The following GPATCH2L variants were observed in gnomAD, a reference collection of about 807,000 sequenced individuals.
GPATCH2L encodes G-patch domain containing 2 like, also known as G patch domain-containing protein 2-like.
In GPATCH2L, 31 loss-of-function variants were observed where a neutral mutation model predicts 57.4. The observed-to-expected ratio is 0.54, with a 90% CI of 0.41 to 0.73. The LOEUF (loss-of-function observed/expected upper bound fraction) is 0.73, where lower values mean the gene tolerates loss of function less well. Ranked by LOEUF, GPATCH2L falls within the 30% of genes least tolerant of loss-of-function variation. The pLI is 0.00. For synonymous variants in GPATCH2L, 199 were observed against 210.7 expected (o/e 0.94, Z 0.48); for missense variants, 481 against 599.9 (o/e 0.80, Z 2.07).
downstream of GPATCH2L, among the ~76,000 whole-genome samples, chr14:76,219,005 CAA>C (rs572896740): frequency 0.027 from 2,004 of 73,760 alleles, 26 homozygotes; most frequent in South Asian, 0.048. Flanking sequence ...TCTAAAAGTA[CAA>C]AAAAAAAAAA....
At chr14:76,232,091 T>C (rs148945505) in intron 2 of GPATCH2L, among the ~76,000 whole-genome samples, 5 of 13,196 alleles carry the variant, frequency 3.8e-4, no homozygotes, top group African/African-American at 6.5e-4. Flanking sequence ...TTTGTATTTT[T>C]TGTAGCAACA....
At chr14:76,198,924 A>G (rs560924186) in intron 9 of GPATCH2L, among the ~76,000 whole-genome samples, 2 of 152,340 alleles carry the variant, frequency 1.3e-5, no homozygotes, top group East Asian at 3.9e-4. Flanking sequence ...GATTCCTAAT[A>G]TATTGTAACC....
chr14:76,232,776 G>A (rs2040579191), intron 2 of GPATCH2L, among the ~76,000 whole-genome samples: 1 of 152,160 alleles, frequency 6.6e-6, no homozygotes, highest in Non-Finnish European at 1.5e-5. Context: ...CCTTTTCCCA[G>A]CACTGATATG....
At chr14:76,231,424 C>T (rs146514186) in intron 2 of GPATCH2L, among the ~76,000 whole-genome samples, 53 of 152,248 alleles carry the variant, frequency 3.5e-4, no homozygotes, top group Admixed American at 7.8e-4. Flanking sequence ...TTGTCCTTCC[C>T]CCTTTTTAGT....
In GPATCH2L at chr14:76,171,925, T is replaced by C. The variant is rs144422821; in HGVS notation, c.810T>C (p.Ala270=). The part of the protein sequence containing the change: ...FTVPNLLPKW[A]PDHCSEVERM... ...TCCCTAATCTTCTGCCCAAGTGGGC[T>C]CCTGATCATTGTTCTGAAGTAGAAA... The change falls in exon 4 of 10, where the codon GCT becomes GCC. Residue 270 remains alanine (A), a synonymous_variant. Coordinates refer to ENST00000261530, the MANE Select transcript of GPATCH2L (RefSeq NM_017926.4). 1 of 1,607,900 alleles carries C rather than the reference T, an allele frequency of 6.2e-7. No homozygotes were observed. Among genetic ancestry groups the C allele is most frequent in the Non-Finnish European group, 8.5e-7 (1 of 1,174,486 alleles).
At chr14:76,224,581 A>C (rs902257416) in intron 1 of GPATCH2L, among the ~76,000 whole-genome samples, 1 of 152,150 alleles carries the variant, frequency 6.6e-6, no homozygotes, top group African/African-American at 2.4e-5. Flanking sequence ...CTTACAGGAA[A>C]TATCATAGTT....
At chr14:76,153,104 G>A (rs770047120) in intron 1 of GPATCH2L, 81 of 247,416 alleles carry the variant, frequency 3.3e-4, no homozygotes, top group Middle Eastern at 1.6e-3. Flanking sequence ...GCTCCTACAG[G>A]TGTGGCAGAT....
intron 1 of GPATCH2L, among the ~76,000 whole-genome samples, chr14:76,228,041 A>T (rs753230891): frequency 1.3e-5 from 2 of 152,254 alleles, no homozygotes; most frequent in Non-Finnish European, 2.9e-5. Context: ...CAGAAGCAAC[A>T]CTGCGAAATA....
intron 8 of GPATCH2L, among the ~76,000 whole-genome samples, chr14:76,187,507 C>G (rs1380783870): frequency 1.3e-5 from 2 of 151,858 alleles, no homozygotes; most frequent in African/African-American, 4.8e-5. Flanking sequence ...AAATTTTTTC[C>G]TGGTGTTACT....
At position 76,201,933 on chromosome 14, in the gene GPATCH2L, C is replaced by A; in HGVS notation, c.*82C>A. 8.5e-7 allele frequency: 1 copy of A among 1,175,752 alleles called. No individual in the cohort carries two copies. The highest frequency in any genetic ancestry group is 1.2e-6 in the Non-Finnish European group (1 of 831,848). The allele number at this position is 1,175,752 out of a possible 1,614,324, so 72.8% of individuals were successfully genotyped here. On this transcript the variant is annotated 3_prime_UTR_variant, in exon 10 of 10. Coordinates refer to ENST00000261530, the MANE Select transcript of GPATCH2L (RefSeq NM_017926.4). ...CTTTGTGTTAGATAGTCTTGCATATCTTAATCGACATTCCCAGTCCTTTCA... is the reference window on the plus strand; with the variant it reads ...CTTTGTGTTAGATAGTCTTGCATATATTAATCGACATTCCCAGTCCTTTCA...
chr14:76,153,234 G>A (rs1038597956), intron 1 of GPATCH2L, among the ~76,000 whole-genome samples: 1 of 152,246 alleles, frequency 6.6e-6, no homozygotes, highest in Admixed American at 6.5e-5. Flanking sequence ...TCAGAGAGTG[G>A]CACCACTTAG....
chr14:76,231,894 A>G (rs1231337247), intron 2 of GPATCH2L, among the ~76,000 whole-genome samples: 1 of 7,908 alleles, frequency 1.3e-4, no homozygotes, highest in Non-Finnish European at 4.4e-4. Flanking sequence ...CCATCCTCCC[A>G]TATAAATATA....
chr14:76,178,638 G>T (rs1469526532), intron 7 of GPATCH2L: 1 of 168,350 alleles, frequency 5.9e-6, no homozygotes, highest in Non-Finnish European at 1.3e-5. Flanking sequence ...CTTTCATAAG[G>T]TGTGCACAAC....
At chr14:76,228,671 A>G (rs1340347574) in intron 1 of GPATCH2L, among the ~76,000 whole-genome samples, 1 of 152,202 alleles carries the variant, frequency 6.6e-6, no homozygotes, top group Non-Finnish European at 1.5e-5. Flanking sequence ...ACAAAAGCAG[A>G]GTTTCATCAT....
At chr14:76,190,497 G>C (rs1282238036) in intron 8 of GPATCH2L, among the ~76,000 whole-genome samples, 2 of 152,112 alleles carry the variant, frequency 1.3e-5, no homozygotes, top group African/African-American at 2.4e-5. Context: ...TATGAAAGAA[G>C]CGTATACCCC....
intron 8 of GPATCH2L, among the ~76,000 whole-genome samples, chr14:76,187,549 C>A (rs2039815441): frequency 6.6e-6 from 1 of 151,974 alleles, no homozygotes; most frequent in Admixed American, 6.6e-5. Flanking sequence ...AAAACAAATA[C>A]CATTTTTACA....
intron 2 of GPATCH2L, among the ~76,000 whole-genome samples, chr14:76,165,655 C>T (rs970945809): frequency 1.3e-5 from 2 of 151,322 alleles, no homozygotes; most frequent in African/African-American, 4.9e-5. Flanking sequence ...ATCTGGTATT[C>T]AGAGACAAGC....
intron 5 of GPATCH2L, 75 bp from the exon 6 acceptor site, chr14:76,176,548 G>T: frequency 9.5e-7 from 1 of 1,048,646 alleles, no homozygotes; most frequent in South Asian, 1.3e-5. Flanking sequence ...GCACAGTTAT[G>T]GGAAAGATTG....
At chr14:76,198,533 G>A (rs559025848) in intron 9 of GPATCH2L, among the ~76,000 whole-genome samples, 20 of 152,258 alleles carry the variant, frequency 1.3e-4, no homozygotes, top group African/African-American at 4.3e-4. Flanking sequence ...TTGATAAAGC[G>A]GAATTGAGGT....
Sources: allele counts gnomAD v4.1 joint callset (sites outside exome capture counted in the v4.1 genomes callset), GRCh38; gene constraint gnomAD v4.1.1; transcripts MANE v1.5; gene names NCBI Gene and HGNC (gene_info 2026-07-23, HGNC 2026-07-21).